CDA: variants seen among roughly 807,000 people sequenced by gnomAD.
CDA encodes cytidine aminohydrolase.
A neutral mutation model predicts 15.0 loss-of-function variants in CDA; 7 were observed. The ratio of observed to expected loss-of-function variants is 0.47; its 90% CI spans 0.26 to 0.87. The LOEUF is 0.87. Among genes scored for constraint, CDA ranks in the 40% least tolerant of loss-of-function variants. The pLI is 0.15. For synonymous variants in CDA, 58 were observed against 73.0 expected, an observed-to-expected ratio of 0.79 and a Z score of 1.05; for missense variants, 159 against 182.7, an observed-to-expected ratio of 0.87 and a Z score of 0.75.
chr1:20,595,449 A>T (rs933586290), intron 1 of CDA, among the ~76,000 whole-genome samples: 2 of 152,078 alleles, frequency 1.3e-5, no homozygotes, highest in African/African-American at 4.8e-5. Flanking sequence ...CCCTCTCTTC[A>T]GCAGCTGATG....
chr1:20,606,151 C>T (rs2052693314), intron 2 of CDA, among the ~76,000 whole-genome samples: 2 of 123,624 alleles, frequency 1.6e-5, no homozygotes, highest in African/African-American at 2.9e-5. Context: ...TCCCTGTCAC[C>T]GAGGTGTGTC....
Position 20,618,593 on chromosome 1 carries a change from T to G in CDA, c.*25T>G, listed in dbSNP as rs778762535. 9 of 1,346,648 alleles carry G rather than the reference T, an allele frequency of 6.7e-6. No individual in the cohort carries two copies. The South Asian group carries it at 1.0e-4, about 16-fold the overall frequency. 83.4% of individuals were successfully genotyped at this position (1,346,648 alleles called of 1,614,324 possible). ...ACAGCCAGAGAATGCCCACTGCCTG[T>G]AACAGCCACCTGGAGAACTTCATAA... On this transcript the variant is annotated 3_prime_UTR_variant, in exon 4 of 4. Coordinates refer to ENST00000375071, the MANE Select transcript of CDA (RefSeq NM_001785.3).
intron 2 of CDA, among the ~76,000 whole-genome samples, chr1:20,610,589 A>G (rs912053233): frequency 6.6e-6 from 1 of 152,106 alleles, no homozygotes; most frequent in Non-Finnish European, 1.5e-5. Context: ...ATAGGCACAC[A>G]TTATCTTAAT....
intron 1 of CDA, among the ~76,000 whole-genome samples, chr1:20,591,806 G>A (rs974323622): frequency 6.6e-6 from 1 of 151,956 alleles, no homozygotes; most frequent in Non-Finnish European, 1.5e-5. Flanking sequence ...TCACCTTTCT[G>A]AGTGTCAGCT....
At chr1:20,613,721 G>C (rs895688589) in intron 2 of CDA, 121 bp from the exon 3 acceptor site, 2 of 882,790 alleles carry the variant, frequency 2.3e-6, no homozygotes. Flanking sequence ...CTGTGAATCA[G>C]GAACTGCCTG....
intron 1 of CDA, among the ~76,000 whole-genome samples, chr1:20,597,174 C>T (rs1050987147): frequency 6.6e-6 from 1 of 152,262 alleles, no homozygotes; most frequent in Non-Finnish European, 1.5e-5. Flanking sequence ...TCTGGCCGGG[C>T]GCCGTGGCTC....
chr1:20,607,389 G>A (rs990700591), intron 2 of CDA, among the ~76,000 whole-genome samples: 2 of 152,256 alleles, frequency 1.3e-5, no homozygotes, highest in East Asian at 1.9e-4. Flanking sequence ...TAAGGCTTCC[G>A]GAGGAATAAA....
chr1:20,596,320 G>A (rs762083641), intron 1 of CDA, among the ~76,000 whole-genome samples: 2 of 152,142 alleles, frequency 1.3e-5, no homozygotes, highest in African/African-American at 2.4e-5. Context: ...CATTCCTCAC[G>A]TGATTCTCAA....
chr1:20,608,339 C>T (rs887619741), intron 2 of CDA, among the ~76,000 whole-genome samples: 3 of 133,978 alleles, frequency 2.2e-5, no homozygotes, highest in African/African-American at 7.9e-5. Context: ...TCTTAAGAAA[C>T]GATTTCTGTA....
intron 1 of CDA, among the ~76,000 whole-genome samples, chr1:20,599,156 G>A (rs2154532234): frequency 6.6e-6 from 1 of 152,268 alleles, no homozygotes; most frequent in Admixed American, 6.5e-5. Flanking sequence ...AGAGTTCCAG[G>A]CAATGGGAAC....
chr1:20,594,973 G>A (rs2052580529), intron 1 of CDA, among the ~76,000 whole-genome samples: 1 of 152,056 alleles, frequency 6.6e-6, no homozygotes, highest in Non-Finnish European at 1.5e-5. Context: ...TGCACGAGGT[G>A]TCCCTGGGCT....
intron 2 of CDA, among the ~76,000 whole-genome samples, chr1:20,607,181 G>T (rs977662237): frequency 6.6e-6 from 1 of 152,192 alleles, no homozygotes; most frequent in Non-Finnish European, 1.5e-5. Flanking sequence ...AAATGCAGGG[G>T]TTTAGTGCAA....
At chr1:20,609,399 T>TG (rs1317955366) in intron 2 of CDA, among the ~76,000 whole-genome samples, 2 of 152,036 alleles carry the variant, frequency 1.3e-5, no homozygotes, top group African/African-American at 4.8e-5. Context: ...GGCAGGAGAA[T>TG]GGCGCGAACC....
At chr1:20,591,369 C>T (rs574376600) in intron 1 of CDA, among the ~76,000 whole-genome samples, 1 of 152,130 alleles carries the variant, frequency 6.6e-6, no homozygotes, top group East Asian at 1.9e-4. Flanking sequence ...AAAAACAAAC[C>T]CACAATAAAG....
rs2154532400 is a variant in CDA, at chr1:20,604,997, T to A, written c.224T>A (p.Val75Asp). 1 of 1,613,948 alleles carries A rather than the reference T, an allele frequency of 6.2e-7. No homozygotes were observed. The highest frequency in any genetic ancestry group is 1.1e-5 in the South Asian group (1 of 91,040). Residue 75 changes from valine to aspartate, a missense_variant, in exon 2 of 4, where the codon GTC (valine) becomes GAC (aspartate). Coordinates refer to ENST00000375071, the MANE Select transcript of CDA (RefSeq NM_001785.3). Reference protein sequence around the residue: ...CAERTAIQKAVSEGYKDFRAI... With the variant: ...CAERTAIQKADSEGYKDFRAI... ...GAACGGACCGCTATCCAGAAGGCCGTCTCAGAAGGGTACAAGGATTTCAGG... is the reference window on the plus strand; with the variant it reads ...GAACGGACCGCTATCCAGAAGGCCGACTCAGAAGGGTACAAGGATTTCAGG...
At chr1:20,596,064 G>A (rs1364325500) in intron 1 of CDA, among the ~76,000 whole-genome samples, 1 of 152,052 alleles carries the variant, frequency 6.6e-6, no homozygotes, top group Non-Finnish European at 1.5e-5. Context: ...CAGGAGAATC[G>A]CTTGAACCTG....
chr1:20,609,302 G>A (rs575238662), intron 2 of CDA, among the ~76,000 whole-genome samples: 2 of 152,132 alleles, frequency 1.3e-5, no homozygotes, highest in African/African-American at 2.4e-5. Context: ...GCCTAACACG[G>A]TGAAACCCCG....
At chr1:20,594,084 G>A (rs1204215747) in intron 1 of CDA, among the ~76,000 whole-genome samples, 1 of 152,204 alleles carries the variant, frequency 6.6e-6, no homozygotes, top group African/African-American at 2.4e-5. Flanking sequence ...GGCAGAACAG[G>A]TCTGCCCAGG....
intron 2 of CDA, among the ~76,000 whole-genome samples, chr1:20,605,473 C>T (rs1053623715): frequency 6.9e-6 from 1 of 145,412 alleles, no homozygotes; most frequent in African/African-American, 2.5e-5. Flanking sequence ...TCCTGGCTAA[C>T]ACAGTGAAAC....
Sources: gnomAD v4.1 joint callset for allele counts (sites outside exome capture counted in the v4.1 genomes callset) on GRCh38, gnomAD v4.1.1 for gene constraint, MANE v1.5 for transcripts, NCBI Gene and HGNC (gene_info 2026-07-23, HGNC 2026-07-21) for gene names.